The following HMCN2 variants were observed in gnomAD, a reference collection of about 807,000 sequenced individuals.
HMCN2 encodes hemicentin 2.
HMCN2 carries 325 observed loss-of-function variants against 377.5 expected under a neutral mutation model. That is an observed-to-expected ratio of 0.86 (90% CI 0.79 to 0.94). HMCN2 has a LOEUF of 0.94. HMCN2 is among the 40% of genes least tolerant of loss of function. HMCN2 has a pLI of 0.00. For synonymous variants in HMCN2, 2,007 were observed against 2,046.8 expected, an observed-to-expected ratio of 0.98 and a Z score of 0.53; for missense variants, 4,543 against 4,725.3, an observed-to-expected ratio of 0.96 and a Z score of 1.13.
chr9:130,342,040 TAAATAAATAAATAA>T (rs1424873455), intron 24 of HMCN2, among the ~76,000 whole-genome samples: 61 of 149,424 alleles, frequency 4.1e-4, no homozygotes, highest in Admixed American at 7.3e-4. Context: ...AATAAATAAA[TAAATAAATAAATAA>T]ATAAATAAAA....
At chr9:130,409,410 C>T (rs1843293390) in intron 84 of HMCN2, among the ~76,000 whole-genome samples, 1 of 152,162 alleles carries the variant, frequency 6.6e-6, no homozygotes, top group South Asian at 2.1e-4. Flanking sequence ...AAGCCTTGGG[C>T]CCTGGGGCAG....
intron 4 of HMCN2, among the ~76,000 whole-genome samples, chr9:130,289,468 C>T (rs781923477): frequency 2.6e-5 from 4 of 152,024 alleles, no homozygotes; most frequent in South Asian, 2.1e-4. Flanking sequence ...GTTTGGACTC[C>T]GGGGCAAGAG....
Position 130,400,813 on chromosome 9 carries a change from A to G in HMCN2, c.11636A>G (p.Asp3879Gly). The G allele has an allele frequency of 7.8e-7, 1 of 1,288,798 alleles. No individual in the cohort carries two copies. The highest frequency in any genetic ancestry group is 1.0e-6 in the Non-Finnish European group (1 of 988,464). The allele number at this position is 1,288,798 out of a possible 1,614,324, so 79.8% of individuals were successfully genotyped here. A position where few individuals can be genotyped will look rare whatever the true frequency, so the allele number is the denominator to read the frequency against. The change falls in exon 77 of 98, where the codon GAC (aspartate) becomes GGC (glycine). Residue 3879 changes from aspartate (D) to glycine (G), a missense_variant. By Grantham distance (94) the Asp-to-Gly change is moderately conservative (BLOSUM62 -1). This residue lies in a region of HMCN2 where 1,073 missense variants were observed against 1,319.5 expected (regional missense o/e 0.81). Transcript: ENST00000683500. ...VPPTIADDQT[D>G]FTVTMMAPVV... ...CCCACCATTGCCGATGACCAGACAG[A>G]CTTCACCGTGACCATGATGGCACCT...
intron 84 of HMCN2, 141 bp downstream of exon 84, chr9:130,409,074 TC>T: frequency 2.2e-6 from 1 of 461,320 alleles, no homozygotes; most frequent in Non-Finnish European, 3.6e-6. Context: ...TCAGATATCC[TC>T]CCACTACCAC....
intron 22 of HMCN2, among the ~76,000 whole-genome samples, chr9:130,336,908 G>A (rs911917678): frequency 6.6e-6 from 1 of 152,124 alleles, no homozygotes; most frequent in Admixed American, 6.5e-5. Context: ...TGTGAGCCCC[G>A]TTTTGCAGAG....
chr9:130,339,088 T>G (rs1838914275), intron 23 of HMCN2, among the ~76,000 whole-genome samples: 1 of 152,150 alleles, frequency 6.6e-6, no homozygotes, highest in African/African-American at 2.4e-5. Context: ...CTCAGGAGGC[T>G]GAGGTGGGAA....
In HMCN2 at chr9:130,302,984, C is replaced by T. The variant is rs782817220; in HGVS notation, c.1404C>T (p.Gly468=). 5 of 469,726 alleles carry T rather than the reference C, an allele frequency of 1.1e-5. No individual in the cohort carries two copies. The highest frequency in any genetic ancestry group is 3.1e-5 in the South Asian group (2 of 64,370). The allele number at this position is 469,726 out of a possible 1,614,324, so 29.1% of individuals were successfully genotyped here. A position where few individuals can be genotyped will look rare whatever the true frequency, so the allele number is the denominator to read the frequency against. Residue 468 remains glycine (G), a synonymous_variant, in exon 9 of 98, where the codon GGC becomes GGT. Transcript: ENST00000683500. ...LQLRRGEARL[G]EERHFQESGN... is the part of the protein sequence containing the mutation. ...TGCGGCGAGGTGAAGCCAGGCTGGG[C>T]GAAGAGAGGCACTTTCAGTGAGTGG...
Position 130,362,970 on chromosome 9 carries a change from A to T in HMCN2, c.6212A>T (p.Asp2071Val), listed in dbSNP as rs938314911. The change falls in exon 40 of 98, where the codon GAT becomes GTT. Residue 2071 changes from aspartate (D) to valine (V), a missense_variant. This residue lies in a region of HMCN2 where 1,032 missense variants were observed against 1,285.1 expected (regional missense o/e 0.80). Transcript: ENST00000683500. ...AVSAVGEDRQ[D>V]VVLQVHMPPS... ...AGCGCGGTGGGCGAGGACCGCCAGG[A>T]TGTTGTCCTGCAAGTCCACAGTGAG... 9.1e-6 allele frequency: 9 copies of T among 985,598 alleles called. No homozygotes were observed. In the African/African-American group the frequency reaches 1.6e-4, roughly 17 times the overall value. 61.1% of individuals were successfully genotyped at this position (985,598 alleles called of 1,614,324 possible). A position where few individuals can be genotyped will look rare whatever the true frequency, so the allele number is the denominator to read the frequency against.
intron 48 of HMCN2, among the ~76,000 whole-genome samples, chr9:130,373,686 T>TA (rs1841192678): frequency 1.3e-5 from 2 of 150,746 alleles, no homozygotes; most frequent in South Asian, 4.2e-4. Flanking sequence ...GATGGATGGA[T>TA]GGATAGATGG....
chr9:130,399,593 G>A lies in HMCN2; in HGVS notation c.11566G>A (p.Val3856Met). The change falls in exon 76 of 98, where the codon GTG (valine) becomes ATG (methionine). Residue 3856 changes from valine to methionine, a missense_variant. By Grantham distance (21) the Val-to-Met change is conservative (BLOSUM62 1). Around this residue, in one of 5 missense-constraint regions of HMCN2, gnomAD observed 1,073 missense variants for 1,319.5 expected, o/e 0.81. Coordinates refer to ENST00000683500, the MANE Select transcript of HMCN2 (RefSeq NM_001291815.2). ...GTTTGAATGCGTGGTGAGCAATGAG[G>A]TGGGCGAGGCCCACAGGCTCTACCA... ...AQFECVVSNEVGEAHRLYQVT... is the reference protein window; with the variant it reads ...AQFECVVSNEMGEAHRLYQVT... 1 of 1,289,734 alleles carries A rather than the reference G, an allele frequency of 7.8e-7. No individual in the cohort carries two copies. The highest frequency in any genetic ancestry group is 1.2e-5 in the South Asian group (1 of 80,986). 79.9% of individuals were successfully genotyped at this position (1,289,734 alleles called of 1,614,324 possible).
chr9:130,329,084 A>G (rs1038349114), intron 22 of HMCN2, among the ~76,000 whole-genome samples: 5 of 152,314 alleles, frequency 3.3e-5, no homozygotes, highest in African/African-American at 7.2e-5. Flanking sequence ...AGCCATCACC[A>G]TGATCAATTT....
chr9:130,330,395 G>T (rs954883951), intron 22 of HMCN2, among the ~76,000 whole-genome samples: 1 of 152,200 alleles, frequency 6.6e-6, no homozygotes, highest in African/African-American at 2.4e-5. Context: ...TCCTGCCAGC[G>T]CCCTGTAGGT....
At chr9:130,284,481 C>T (rs1192021432) in intron 1 of HMCN2, 122 bp from the exon 2 acceptor site, 6 of 422,968 alleles carry the variant, frequency 1.4e-5, no homozygotes, top group African/African-American at 6.1e-5. Flanking sequence ...GATCTCTCCC[C>T]GTCTTGTGTG....
chr9:130,384,391 G>T lies in HMCN2; in HGVS notation c.8849G>T (p.Gly2950Val). 2.3e-6 allele frequency: 3 copies of T among 1,301,464 alleles called. No individual in the cohort carries two copies. 80.6% of individuals were successfully genotyped at this position (1,301,464 alleles called of 1,614,324 possible). A position where few individuals can be genotyped will look rare whatever the true frequency, so the allele number is the denominator to read the frequency against. Residue 2950 changes from glycine (G) to valine (V), a missense_variant, in exon 58 of 98, where the codon GGC (glycine) becomes GTC (valine). Gly to Val is a moderately radical substitution (Grantham distance 109). This residue lies in a region of HMCN2 where 736 missense variants were observed against 773.2 expected (regional missense o/e 0.95). Coordinates refer to ENST00000683500, the MANE Select transcript of HMCN2 (RefSeq NM_001291815.2). ...LRVQVPPRIA[G>V]LDLEQVTAIL... ...GGGATAGTCCCGCCACGAATCGCAG[G>T]CCTGGACTTGGAGCAGGTCACTGCC...
chr9:130,328,261 C>T (rs1025693458), intron 22 of HMCN2, among the ~76,000 whole-genome samples: 2 of 152,316 alleles, frequency 1.3e-5, no homozygotes, highest in African/African-American at 2.4e-5. Context: ...TGGGCATCAT[C>T]GGTGGGGTCC....
intron 74 of HMCN2, 77 bp from the exon 75 acceptor site, chr9:130,398,474 C>T: frequency 5.0e-6 from 4 of 806,458 alleles, no homozygotes; most frequent in Non-Finnish European, 6.5e-6. Context: ...AGTGGCTTTG[C>T]CCCTGGGCAC....
At chr9:130,345,993 A>G (rs954692605) in intron 25 of HMCN2, among the ~76,000 whole-genome samples, 2 of 152,052 alleles carry the variant, frequency 1.3e-5, no homozygotes, top group Admixed American at 6.5e-5. Context: ...GGCCCACAGC[A>G]TAAGTGTCTA....
chr9:130,335,453 G>A (rs1280789268), intron 22 of HMCN2, among the ~76,000 whole-genome samples: 5 of 152,082 alleles, frequency 3.3e-5, no homozygotes, highest in Admixed American at 2.6e-4. Context: ...GTGTCTTCTC[G>A]CGTATTCCTT....
At position 130,284,678 on chromosome 9, in the gene HMCN2, G is replaced by A; in HGVS notation, c.330+5G>A. On this transcript the variant is annotated splice_donor_5th_base_variant and intron_variant, in intron 2 of 97. Coordinates refer to ENST00000683500, the MANE Select transcript of HMCN2 (RefSeq NM_001291815.2). ...CTGAGAGAACTCTACGTGCAGGTGGGCAGCCCCTGACCCTCTGTCCCACTC... is the reference window on the plus strand; with the variant it reads ...CTGAGAGAACTCTACGTGCAGGTGGACAGCCCCTGACCCTCTGTCCCACTC... The A allele has an allele frequency of 2.1e-6, 1 of 471,116 alleles. No homozygotes were observed. The highest frequency in any genetic ancestry group is 4.4e-6 in the Non-Finnish European group (1 of 227,040). 29.2% of individuals were successfully genotyped at this position (471,116 alleles called of 1,614,324 possible). A position where few individuals can be genotyped will look rare whatever the true frequency, so the allele number is the denominator to read the frequency against.
Sources: allele counts gnomAD v4.1 joint callset (sites outside exome capture counted in the v4.1 genomes callset), GRCh38; gene constraint gnomAD v4.1.1; regional missense constraint gnomAD v4.1.1; transcripts MANE v1.5; gene names NCBI Gene and HGNC (gene_info 2026-07-23, HGNC 2026-07-21).